ATAD3B: variants seen among roughly 807,000 people sequenced by gnomAD.
ATAD3B encodes the protein ATPase family AAA domain-containing protein 3B.
ATAD3B carries 59 observed loss-of-function variants against 70.2 expected under a neutral mutation model. That is an observed-to-expected ratio of 0.84 (90% CI 0.68 to 1.04). The LOEUF (loss-of-function observed/expected upper bound fraction) is 1.04. ATAD3B is among the 50% of genes least tolerant of loss of function. The pLI, the probability that ATAD3B is intolerant of heterozygous loss-of-function variation, is 0.00. For synonymous variants in ATAD3B, 423 were observed against 388.6 expected, an observed-to-expected ratio of 1.09 and a Z score of -1.04; for missense variants, 961 against 913.4, an observed-to-expected ratio of 1.05 and a Z score of -0.67.
intron 1 of ATAD3B, among the ~76,000 whole-genome samples, chr1:1,474,581 C>A (rs1326053648): frequency 1.3e-5 from 2 of 150,950 alleles, no homozygotes; most frequent in African/African-American, 4.9e-5. Flanking sequence ...CTCACTGCAA[C>A]CTTTGCCTTT....
At chr1:1,508,833 C>T in the ATAD3B span, among the ~76,000 whole-genome samples, 5 of 151,548 alleles carry the variant, frequency 3.3e-5, no homozygotes, top group African/African-American at 1.2e-4. Flanking sequence ...GTCTGAGGGT[C>T]TGAGGTGCAC....
At chr1:1,503,344 A>T in the ATAD3B span, 1 of 489,098 alleles carries the variant, frequency 2.0e-6, no homozygotes, top group Non-Finnish European at 3.7e-6. Flanking sequence ...GGCCTTCCTG[A>T]TGTGGCTCTC....
At chr1:1,491,102 A>G (rs2100593644) in intron 15 of ATAD3B, among the ~76,000 whole-genome samples, 1 of 151,326 alleles carries the variant, frequency 6.6e-6, no homozygotes, top group African/African-American at 2.4e-5. Context: ...GTCCTGTTTG[A>G]CGGGTTCAGA....
intron 4 of ATAD3B, 62 bp from the exon 5 acceptor site, chr1:1,480,805 A>C: frequency 6.3e-7 from 1 of 1,590,502 alleles, no homozygotes; most frequent in African/African-American, 1.4e-5. Flanking sequence ...CAACCTCTGG[A>C]TTGGTGTTGA....
intron 4 of ATAD3B, among the ~76,000 whole-genome samples, chr1:1,479,983 C>T (rs1227692442): frequency 2.1e-5 from 3 of 144,786 alleles, no homozygotes; most frequent in East Asian, 2.1e-4. Context: ...CACACACAGG[C>T]ATGGACACAC....
Position 1,483,158 on chromosome 1 carries a change from C to T in ATAD3B, c.750+544C>T. Reference sequence around the variant, plus strand: ...AAAGAAAAAAAAAGAAAAGAATTAGCTGGGTGTGGTGACATGTGCCTGTAA... The same window carrying T: ...AAAGAAAAAAAAAGAAAAGAATTAGTTGGGTGTGGTGACATGTGCCTGTAA... On this transcript the variant is annotated intron_variant, in intron 7 of 15. Transcript: ENST00000673477. The T allele has an allele frequency of 1.0e-5, 4 of 399,596 alleles. 1 individual carries two copies. The highest frequency in any genetic ancestry group is 7.3e-5 in the South Asian group (4 of 54,838). The allele number at this position is 399,596 out of a possible 1,614,324, so 24.8% of individuals were successfully genotyped here.
chr1:1,501,111 T>G (rs907910273), downstream of ATAD3B, among the ~76,000 whole-genome samples: 1 of 152,022 alleles, frequency 6.6e-6, no homozygotes, highest in Non-Finnish European at 1.5e-5. Context: ...TTTTTTGAGA[T>G]GGAGTCTTAC....
At position 1,471,937 on chromosome 1, in the gene ATAD3B, C is replaced by T. The variant is rs750737097; in HGVS notation, c.53C>T (p.Pro18Leu). Residue 18 changes from proline to leucine, a missense_variant, in exon 1 of 16, where the codon CCG becomes CTG. Pro to Leu is a moderately conservative substitution (Grantham distance 98, BLOSUM62 -3). Coordinates refer to ENST00000673477, the MANE Select transcript of ATAD3B (RefSeq NM_031921.6). ...NKGPKGEGAG[P>L]PPPLPPAQPG... ...GGCCCCAAGGGTGAAGGCGCGGGGC[C>T]GCCGCCGCCTTTGCCGCCCGCGCAG... The T allele has an allele frequency of 4.8e-6, 6 of 1,240,934 alleles. No homozygotes were observed. Among genetic ancestry groups the T allele is most frequent in the East Asian group, 3.2e-5 (1 of 30,812 alleles). The allele number at this position is 1,240,934 out of a possible 1,614,324, so 76.9% of individuals were successfully genotyped here.
Position 1,497,565 on chromosome 1 carries a change from T to C in ATAD3B, c.*1748T>C, listed in dbSNP as rs1392511585. On this transcript the variant is annotated 3_prime_UTR_variant, in exon 16 of 16. Coordinates refer to ENST00000673477, the MANE Select transcript of ATAD3B (RefSeq NM_031921.6). The stretch of plus-strand genomic sequence containing the variant: ...TTAAACCAGCAATCAATACTTTGTA[T>C]TTAAAATTAAGCCAGGTTAGACTGG... The C allele has an allele frequency of 6.6e-6, 1 of 151,314 alleles. No individual in the cohort carries two copies. Among genetic ancestry groups the C allele is most frequent in the African/African-American group, 2.4e-5 (1 of 40,994 alleles). The allele number at this position is 151,314 out of a possible 1,614,324, so 9.4% of individuals were successfully genotyped here. A position where few individuals can be genotyped will look rare whatever the true frequency, so the allele number is the denominator to read the frequency against.
chr1:1,495,375 G>T, intron 15 of ATAD3B, 110 bp from the exon 16 acceptor site: 1 of 1,411,154 alleles, frequency 7.1e-7, no homozygotes. Context: ...TTCACCCTGA[G>T]GTTGTCCTGG....
chr1:1,485,753 C>A (rs1440526139), intron 8 of ATAD3B, 29 bp from the exon 9 acceptor site: 1 of 1,611,992 alleles, frequency 6.2e-7, no homozygotes, highest in Admixed American at 1.7e-5. Context: ...GCAGGTGACC[C>A]AATGGTGCTT....
At chr1:1,479,492 C>T (rs1639785035) in intron 4 of ATAD3B, among the ~76,000 whole-genome samples, 1 of 142,174 alleles carries the variant, frequency 7.0e-6, no homozygotes, top group Non-Finnish European at 1.5e-5. Context: ...GCACACACCC[C>T]TACACAGGGG....
In ATAD3B at chr1:1,490,367, G is replaced by T. The variant is rs764935940; in HGVS notation, c.1448G>T (p.Arg483Leu). The T allele has an allele frequency of 1.2e-6, 2 of 1,613,338 alleles. No homozygotes were observed. Among genetic ancestry groups the T allele is most frequent in the South Asian group, 1.1e-5 (1 of 91,032 alleles). ...FDLPQQEERE[R>L]LVRLHFDNCV... ...CTGCCGCAGCAGGAGGAGCGGGAGC[G>T]CCTGGTGAGACTGCATTTTGACAAC... Residue 483 changes from arginine (R) to leucine (L), a missense_variant, in exon 14 of 16, where the codon CGC becomes CTC. Arg to Leu is a moderately radical substitution (Grantham distance 102). This residue lies in a region of ATAD3B where 417 missense variants were observed against 335.0 expected (regional missense o/e 1.24). Coordinates refer to ENST00000673477, the MANE Select transcript of ATAD3B (RefSeq NM_031921.6).
Position 1,481,992 on chromosome 1 carries a change from G to T in ATAD3B, c.515-146G>T. Reference sequence around the variant, plus strand: ...TCCGTGGCCTTAGCCTGTTGGTGGCGTGGGCCGGTCCGTGGCATGGGCCTG... The same window carrying T: ...TCCGTGGCCTTAGCCTGTTGGTGGCTTGGGCCGGTCCGTGGCATGGGCCTG... On this transcript the variant is annotated intron_variant, in intron 5 of 15. Transcript: ENST00000673477. 7 of 1,369,738 alleles carry T rather than the reference G, an allele frequency of 5.1e-6. No individual in the cohort carries two copies. In the South Asian group the frequency reaches 5.6e-5, roughly 11 times the overall value. The allele number at this position is 1,369,738 out of a possible 1,614,324, so 84.8% of individuals were successfully genotyped here.
Position 1,489,514 on chromosome 1 carries a change from G to A in ATAD3B, c.1337+240G>A, listed in dbSNP as rs576842131. The A allele has an allele frequency of 1.1e-4, 108 of 976,074 alleles. No individual in the cohort carries two copies. The African/African-American group carries it at 1.4e-3, about 13-fold the overall frequency. The allele number at this position is 976,074 out of a possible 1,614,324, so 60.5% of individuals were successfully genotyped here. A position where few individuals can be genotyped will look rare whatever the true frequency, so the allele number is the denominator to read the frequency against. ...TGTCTTCACGGCCCTGTGCGCCGCC[G>A]CCCCAGCTTGCAGGTCCCTCTGCCC... On this transcript the variant is annotated intron_variant, in intron 13 of 15. Coordinates refer to ENST00000673477, the MANE Select transcript of ATAD3B (RefSeq NM_031921.6).
chr1:1,494,643 ATGGTGACAGTGTTG>A (rs1214438894), intron 15 of ATAD3B, among the ~76,000 whole-genome samples: 1 of 151,994 alleles, frequency 6.6e-6, no homozygotes, highest in African/African-American at 2.4e-5. Flanking sequence ...AGGTTCTGTC[ATGGTGACAGTGTTG>A]TGGGAGGATG....
rs368043340 is a variant in ATAD3B, at chr1:1,495,473, T to C, written c.1615-12T>C. 3.1e-5 allele frequency: 50 copies of C among 1,587,350 alleles called. 1 individual carries two copies. Among genetic ancestry groups the C allele is most frequent in the Non-Finnish European group, 4.3e-5 (50 of 1,162,422 alleles). On this transcript the variant is annotated splice_polypyrimidine_tract_variant and intron_variant, in intron 15 of 15. Coordinates refer to ENST00000673477, the MANE Select transcript of ATAD3B (RefSeq NM_031921.6). ...CATAGCGGCCTCCCTCAGCTCCCTCTCTCTTCACTAGGCCACGGCATATGC... is the reference window on the plus strand; with the variant it reads ...CATAGCGGCCTCCCTCAGCTCCCTCCCTCTTCACTAGGCCACGGCATATGC...
Position 1,482,049 on chromosome 1 carries a change from C to T in ATAD3B, c.515-89C>T, listed in dbSNP as rs1028565784. ...GCGTTGGTCTGTCCGTGGCGTGGGC[C>T]GGTCCGTGGCGTGGGCCGGTCCACA... On this transcript the variant is annotated intron_variant, in intron 5 of 15. Transcript: ENST00000673477. 1.1e-5 allele frequency: 17 copies of T among 1,517,914 alleles called. No homozygotes were observed. In the African/African-American group the frequency reaches 1.2e-4, roughly 11 times the overall value. The allele number at this position is 1,517,914 out of a possible 1,614,324, so 94.0% of individuals were successfully genotyped here.
chr1:1,478,428 T>C (rs572786675), intron 2 of ATAD3B: 22 of 1,518,752 alleles, frequency 1.4e-5, no homozygotes, highest in Middle Eastern at 2.1e-4. Context: ...CCCGGGGGCC[T>C]TCGCAGGCTT....
Sources: allele counts gnomAD v4.1 joint callset (sites outside exome capture counted in the v4.1 genomes callset), GRCh38; gene constraint gnomAD v4.1.1; regional missense constraint gnomAD v4.1.1; transcripts MANE v1.5; gene names NCBI Gene and HGNC (gene_info 2026-07-23, HGNC 2026-07-21).